RIMBP2: variants seen among roughly 807,000 people sequenced by gnomAD.
RIMBP2 encodes RIMS binding protein 2.
A neutral mutation model predicts 118.6 loss-of-function variants in RIMBP2; 48 were observed. The observed-to-expected ratio is 0.40, with a 90% CI of 0.32 to 0.51. RIMBP2 has a LOEUF of 0.51. RIMBP2 is among the 20% of genes least tolerant of loss of function. The pLI is 0.41. For missense variants in RIMBP2, 1,551 were observed against 1,768.3 expected, an observed-to-expected ratio of 0.88 and a Z score of 2.20; for synonymous variants, 762 against 742.9, an observed-to-expected ratio of 1.03 and a Z score of -0.42.
chr12:130,614,126 G>A (rs1482884172), intron 2 of RIMBP2, among the ~76,000 whole-genome samples: 1 of 152,220 alleles, frequency 6.6e-6, no homozygotes, highest in East Asian at 1.9e-4. Context: ...TGTTTCGGTA[G>A]CACTTCAGAC....
intron 1 of RIMBP2, among the ~76,000 whole-genome samples, chr12:130,712,098 G>A (rs999961284): frequency 6.6e-6 from 1 of 152,254 alleles, no homozygotes; most frequent in Non-Finnish European, 1.5e-5. Context: ...GACTGGAAGT[G>A]ACTCTGGGTG....
chr12:130,433,156 C>T (rs943983359), intron 14 of RIMBP2, among the ~76,000 whole-genome samples: 14 of 152,336 alleles, frequency 9.2e-5, no homozygotes, highest in African/African-American at 3.4e-4. Flanking sequence ...CTTACACACA[C>T]TCTTTTCTGA....
rs1481912478 is a variant in RIMBP2 at position 130,424,922 on chromosome 12, C to A, written c.2413-64G>T. 1.3e-5 allele frequency: 13 copies of A among 996,446 alleles called. No individual in the cohort carries two copies. Among genetic ancestry groups the A allele is most frequent in the Non-Finnish European group, 3.9e-6 (3 of 773,716 alleles). The allele number at this position is 996,446 out of a possible 1,614,324, so 61.7% of individuals were successfully genotyped here. A position where few individuals can be genotyped will look rare whatever the true frequency, so the allele number is the denominator to read the frequency against. ...GTGTGTGGTCAGCATGAAGTGGGGG[C>A]CAGGGGAGGAAAGAAAATACAGACA... On this transcript the variant is annotated intron_variant, in intron 15 of 22. Coordinates refer to ENST00000690449, the MANE Select transcript of RIMBP2 (RefSeq NM_001393629.1). This position sits in a 1 kb window ranked among gnomAD's most constrained non-coding sequence, Gnocchi z 9.8.
At chr12:130,605,892 C>T (rs1050912153) in intron 2 of RIMBP2, among the ~76,000 whole-genome samples, 4 of 152,082 alleles carry the variant, frequency 2.6e-5, no homozygotes, top group African/African-American at 9.7e-5. Context: ...GGTAAAACCC[C>T]ATCTCTACTG....
At position 130,438,135 on chromosome 12, in the gene RIMBP2, T is replaced by G. The variant is rs1482340591; in HGVS notation, c.1656+230A>C. Among the ~76,000 whole-genome samples, 4 of 152,244 alleles carry G rather than the reference T, an allele frequency of 2.6e-5. No homozygotes were observed. The East Asian group carries it at 5.8e-4, about 22-fold the overall frequency. ...CCCTCTCTGGCCCCTGCATTTTTAA[T>G]CCAGAGCAGAGCAGGGCAGGGGATG... On this transcript the variant is annotated intron_variant, in intron 12 of 22. Coordinates refer to ENST00000690449, the MANE Select transcript of RIMBP2 (RefSeq NM_001393629.1).
chr12:130,455,840 C>T (rs767550248), intron 7 of RIMBP2, among the ~76,000 whole-genome samples: 2 of 152,058 alleles, frequency 1.3e-5, no homozygotes, highest in Admixed American at 6.5e-5. Context: ...CCCACTTAAC[C>T]TTCAGCCAGG....
intron 1 of RIMBP2, among the ~76,000 whole-genome samples, chr12:130,659,493 C>T (rs1021835731): frequency 2.6e-5 from 4 of 151,610 alleles, no homozygotes; most frequent in African/African-American, 7.3e-5. Flanking sequence ...GGCGTGAACC[C>T]GGGAGGCGTA....
In RIMBP2 at chr12:130,710,606, T is replaced by C. The variant is rs909131154; in HGVS notation, c.-352+5616A>G. 2.6e-5 allele frequency among the ~76,000 whole-genome samples: 4 copies of C among 152,114 alleles called. No individual in the cohort carries two copies. Among genetic ancestry groups the C allele is most frequent in the Non-Finnish European group, 5.9e-5 (4 of 68,042 alleles). On this transcript the variant is annotated intron_variant, in intron 1 of 22. Coordinates refer to ENST00000690449, the MANE Select transcript of RIMBP2 (RefSeq NM_001393629.1). This position sits in a 1 kb window ranked among gnomAD's most constrained non-coding sequence, Gnocchi z 4.3. ...ATGAATAGGTCATGCCCTGCCTTCC[T>C]GGGTCCCACACAGATAGAGAAGTGG...
intron 2 of RIMBP2, among the ~76,000 whole-genome samples, chr12:130,604,582 C>CTT (rs777097560): frequency 3.0e-5 from 2 of 67,268 alleles, no homozygotes; most frequent in African/African-American, 6.0e-5. Flanking sequence ...TGCCCCTTTT[C>CTT]TTTCTTTTTT....
At chr12:130,532,651 A>T (rs4759718) in intron 2 of RIMBP2, among the ~76,000 whole-genome samples, 8 of 94,636 alleles carry the variant, frequency 8.5e-5, no homozygotes, top group South Asian at 5.1e-4. Context: ...AATGAGATGC[A>T]TGTGTTCAGC....
At chr12:130,634,989 A>G (rs2062262069) in intron 1 of RIMBP2, among the ~76,000 whole-genome samples, 1 of 152,130 alleles carries the variant, frequency 6.6e-6, no homozygotes, top group Non-Finnish European at 1.5e-5. Flanking sequence ...GAGCACACAA[A>G]AAAAAGGGAG....
intron 2 of RIMBP2, among the ~76,000 whole-genome samples, chr12:130,625,921 A>T (rs2061594044): frequency 6.6e-6 from 1 of 152,220 alleles, no homozygotes; most frequent in African/African-American, 2.4e-5. Context: ...CACACCACTC[A>T]GTTGAAACAC....
At chr12:130,455,343 C>G (rs1326655450) in intron 7 of RIMBP2, among the ~76,000 whole-genome samples, 1 of 152,264 alleles carries the variant, frequency 6.6e-6, no homozygotes. Context: ...CATGCAGCGT[C>G]TGGATCAGAG....
In RIMBP2 at chr12:130,447,635, C is replaced by G. The variant is rs2078645726; in HGVS notation, c.582-2366G>C. On this transcript the variant is annotated intron_variant, in intron 9 of 22. Transcript: ENST00000690449. This position sits in a 1 kb window ranked among gnomAD's most constrained non-coding sequence, Gnocchi z 4.4. Reference sequence around the variant, plus strand: ...GGCATCTGTGAGCACAGCAGTGGCCCTGGGCGGCACACTGCAAGTGGGTGA... The same window carrying G: ...GGCATCTGTGAGCACAGCAGTGGCCGTGGGCGGCACACTGCAAGTGGGTGA... Among the ~76,000 whole-genome samples the G allele has an allele frequency of 6.6e-6, 1 of 152,146 alleles. No individual in the cohort carries two copies. Among genetic ancestry groups the G allele is most frequent in the Non-Finnish European group, 1.5e-5 (1 of 68,026 alleles).
chr12:130,428,222 C>T lies in RIMBP2; in HGVS notation c.2369G>A (p.Gly790Glu), dbSNP rs183031251. ...CGTGCCGCTGGGCCGCCTCCTTCCC[C>T]CATCTTCCAGCTGCATTTCAGAATA... ...ELYSEMQLED[G>E]GRRRPSGTSH... The change falls in exon 15 of 23, where the codon GGG (glycine) becomes GAG (glutamate). Residue 790 changes from glycine to glutamate, a missense_variant. This residue lies in a region of RIMBP2 where 1,038 missense variants were observed against 1,125.1 expected (regional missense o/e 0.92). Coordinates refer to ENST00000690449, the MANE Select transcript of RIMBP2 (RefSeq NM_001393629.1). 24 of 1,613,348 alleles carry T rather than the reference C, an allele frequency of 1.5e-5. No individual in the cohort carries two copies. In the East Asian group the frequency reaches 5.4e-4, roughly 36 times the overall value.
intron 2 of RIMBP2, among the ~76,000 whole-genome samples, chr12:130,555,333 T>C (rs1034931987): frequency 3.3e-5 from 5 of 152,186 alleles, no homozygotes; most frequent in African/African-American, 1.2e-4. Context: ...CAAAAGCCCA[T>C]GTTGGCTCCT....
intron 1 of RIMBP2, among the ~76,000 whole-genome samples, chr12:130,672,187 A>G (rs2064231207): frequency 6.6e-6 from 1 of 152,122 alleles, no homozygotes; most frequent in Admixed American, 6.5e-5. Flanking sequence ...AAACCCTCAA[A>G]TCTCTCACTC....
intron 2 of RIMBP2, among the ~76,000 whole-genome samples, chr12:130,522,679 C>A (rs1415206365): frequency 6.6e-6 from 1 of 152,074 alleles, no homozygotes; most frequent in East Asian, 1.9e-4. Context: ...TGCAGGGAGC[C>A]CCAGGGAGGC....
chr12:130,652,948 C>T (rs796654424), intron 1 of RIMBP2, among the ~76,000 whole-genome samples: 2 of 152,302 alleles, frequency 1.3e-5, no homozygotes, highest in African/African-American at 4.8e-5. Flanking sequence ...AGGGATCCAC[C>T]CCCATGATCC....
Sources: allele counts gnomAD v4.1 joint callset (sites outside exome capture counted in the v4.1 genomes callset), GRCh38; gene constraint gnomAD v4.1.1; regional missense constraint gnomAD v4.1.1; non-coding constraint Gnocchi (gnomAD v3.1); transcripts MANE v1.5; gene names NCBI Gene and HGNC (gene_info 2026-07-23, HGNC 2026-07-21).